Variants in ERC1 observed in about 807,000 individuals in gnomAD.
ERC1 encodes the protein ELKS/RAB6-interacting/CAST family member 1.
Under a neutral mutation model 132.0 loss-of-function variants are expected in ERC1, and 56 were observed. The observed-to-expected ratio is 0.42, with a 90% CI of 0.34 to 0.53. The LOEUF is 0.53. ERC1 is among the 20% of genes least tolerant of loss of function. The pLI is 0.03. For synonymous variants in ERC1, 478 were observed against 476.1 expected, an observed-to-expected ratio of 1.00 and a Z score of -0.05; for missense variants, 1,202 against 1,349.9, an observed-to-expected ratio of 0.89 and a Z score of 1.72.
At chr12:1,179,505 T>C (rs890170118) in intron 8 of ERC1, among the ~76,000 whole-genome samples, 9 of 67,596 alleles carry the variant, frequency 1.3e-4, no homozygotes, top group East Asian at 2.4e-4. Flanking sequence ...TTTTTCTTTT[T>C]TTTTTTTTTT....
chr12:1,290,901 G>C (rs1028304897), intron 15 of ERC1, among the ~76,000 whole-genome samples: 1 of 152,142 alleles, frequency 6.6e-6, no homozygotes, highest in Non-Finnish European at 1.5e-5. Context: ...CGCCTCAGCA[G>C]CCTTTCACTG....
chr12:1,076,391 C>CTT (rs1941342675), intron 2 of ERC1, among the ~76,000 whole-genome samples: 2 of 127,446 alleles, frequency 1.6e-5, no homozygotes, highest in Non-Finnish European at 1.8e-5. Context: ...TTTTTTTTTT[C>CTT]TTTTTCTTTT....
chr12:1,152,075 C>T (rs1950888652), intron 8 of ERC1, among the ~76,000 whole-genome samples: 1 of 152,006 alleles, frequency 6.6e-6, no homozygotes, highest in African/African-American at 2.4e-5. Flanking sequence ...TGGCAGGTGC[C>T]TGTAATCCCA....
chr12:1,404,085 A>T (rs1031591239), intron 16 of ERC1, among the ~76,000 whole-genome samples: 8 of 152,238 alleles, frequency 5.3e-5, no homozygotes, highest in African/African-American at 1.9e-4. Context: ...AAAATAACTC[A>T]GACTGAGTAA....
Position 1,408,188 on chromosome 12 carries a change from G to A in ERC1, c.2965G>A (p.Asp989Asn). The A allele has an allele frequency of 6.2e-7, 1 of 1,613,958 alleles. No homozygotes were observed. The highest frequency in any genetic ancestry group is 8.5e-7 in the Non-Finnish European group (1 of 1,179,952). Reference sequence around the variant, plus strand: ...GAAGCTAATGGCCGACAACTACGAGGATGACCACTTCAAATCCTCCCATTC... The same window carrying A: ...GAAGCTAATGGCCGACAACTACGAGAATGACCACTTCAAATCCTCCCATTC... Reference protein sequence around the residue: ...RMKLMADNYEDDHFKSSHSNQ... With the variant: ...RMKLMADNYENDHFKSSHSNQ... Residue 989 changes from aspartate (D) to asparagine (N), a missense_variant, in exon 17 of 19, where the codon GAT (aspartate) becomes AAT (asparagine). Asp to Asn is a conservative substitution (Grantham distance 23). Transcript: ENST00000360905.
At chr12:1,278,952 T>C (rs2078469430) in intron 14 of ERC1, among the ~76,000 whole-genome samples, 1 of 151,932 alleles carries the variant, frequency 6.6e-6, no homozygotes, top group African/African-American at 2.4e-5. Context: ...ATAAATAATA[T>C]AACAGTAAAA....
At chr12:1,337,893 C>T (rs182792720) in intron 15 of ERC1, among the ~76,000 whole-genome samples, 4 of 152,256 alleles carry the variant, frequency 2.6e-5, no homozygotes, top group African/African-American at 9.6e-5. Context: ...AGGGTTTCTG[C>T]TGAGAGGTCC....
chr12:1,213,763 G>A (rs1228938648), intron 12 of ERC1, among the ~76,000 whole-genome samples: 2 of 147,692 alleles, frequency 1.4e-5, no homozygotes, highest in South Asian at 2.2e-4. Context: ...AAATTGCCAC[G>A]CATGGTGGTG....
intron 13 of ERC1, among the ~76,000 whole-genome samples, chr12:1,257,632 T>G (rs1433799993): frequency 2.0e-5 from 3 of 152,184 alleles, no homozygotes; most frequent in Non-Finnish European, 4.4e-5. Flanking sequence ...TAACTCATAT[T>G]TGTCTGCTGA....
chr12:1,363,320 C>G (rs2086315550), intron 15 of ERC1, among the ~76,000 whole-genome samples: 1 of 152,156 alleles, frequency 6.6e-6, no homozygotes, highest in Non-Finnish European at 1.5e-5. Flanking sequence ...TTGCCATAAT[C>G]TTATGAACAT....
intron 16 of ERC1, among the ~76,000 whole-genome samples, chr12:1,401,281 A>G (rs76586665): frequency 0.25 from 38,457 of 151,904 alleles, 5,383 homozygotes; most frequent in Non-Finnish European, 0.31. Context: ...AGTTCTCTCA[A>G]AAATTGAAGA....
chr12:1,407,292 T>TGA (rs59148091), intron 16 of ERC1, among the ~76,000 whole-genome samples: 12 of 151,576 alleles, frequency 7.9e-5, no homozygotes, highest in Admixed American at 5.3e-4. Context: ...TATATATATA[T>TGA]GAGAGAGAGA....
In ERC1 at chr12:1,444,706, C is replaced by A; in HGVS notation, c.3169C>A (p.Gln1057Lys). The A allele has an allele frequency of 6.2e-7, 1 of 1,614,120 alleles. No individual in the cohort carries two copies. The highest frequency in any genetic ancestry group is 8.5e-7 in the Non-Finnish European group (1 of 1,180,014). The change falls in exon 18 of 19, where the codon CAG (glutamine) becomes AAG (lysine). Residue 1057 changes from glutamine (Q) to lysine (K), a missense_variant. Transcript: ENST00000360905. ...AGCTTCCTATAACTTGGACGATGAC[C>A]AGGCGGCTTGGGAGAATGAGCTGCA... ...PPASYNLDDDQAAWENELQKM... is the reference protein window; with the variant it reads ...PPASYNLDDDKAAWENELQKM...
intron 12 of ERC1, among the ~76,000 whole-genome samples, chr12:1,205,786 TGCCTTGTGTTTA>T (rs991120717): frequency 4.6e-5 from 7 of 152,268 alleles, no homozygotes; most frequent in Non-Finnish European, 7.4e-5. Flanking sequence ...TGAAGTGTTT[TGCCTTGTGTTTA>T]GAGAACTTTC....
At chr12:1,373,511 G>T (rs1375524049) in intron 16 of ERC1, among the ~76,000 whole-genome samples, 3 of 152,230 alleles carry the variant, frequency 2.0e-5, no homozygotes, top group South Asian at 4.1e-4. Flanking sequence ...GCCGGGCACG[G>T]TGGCTCACGC....
intron 14 of ERC1, among the ~76,000 whole-genome samples, chr12:1,288,917 T>G (rs772615113): frequency 3.3e-5 from 5 of 152,148 alleles, no homozygotes; most frequent in Non-Finnish European, 7.4e-5. Context: ...AAATTACTGA[T>G]AAAGTACTTA....
chr12:1,334,657 G>A (rs1376210038), intron 15 of ERC1, among the ~76,000 whole-genome samples: 3 of 152,224 alleles, frequency 2.0e-5, no homozygotes, highest in Non-Finnish European at 4.4e-5. Flanking sequence ...TTTGAAGTCA[G>A]GTAGCGTGAT....
chr12:1,371,796 G>C (rs1357848843), intron 15 of ERC1, 37 bp from the exon 16 acceptor site: 1 of 1,602,362 alleles, frequency 6.2e-7, no homozygotes, highest in African/African-American at 1.3e-5. Flanking sequence ...TGTTGGAAGG[G>C]GTGAATGGCG....
At chr12:1,355,543 C>T (rs1345734440) in intron 15 of ERC1, among the ~76,000 whole-genome samples, 1 of 152,168 alleles carries the variant, frequency 6.6e-6, no homozygotes, top group Non-Finnish European at 1.5e-5. Flanking sequence ...AATCTTTTGT[C>T]ATGCTTATTT....
Sources: allele counts gnomAD v4.1 joint callset (sites outside exome capture counted in the v4.1 genomes callset), GRCh38; gene constraint gnomAD v4.1.1; transcripts MANE v1.5; gene names NCBI Gene and HGNC (gene_info 2026-07-23, HGNC 2026-07-21).